The following FARS2 variants were observed in gnomAD, a reference collection of about 807,000 sequenced individuals.
FARS2 encodes phenylalanyl-tRNA synthetase 2, mitochondrial, also known as phenylalanine--tRNA ligase, mitochondrial.
FARS2 carries 40 observed loss-of-function variants against 46.4 expected under a neutral mutation model. That is an observed-to-expected ratio of 0.86 (90% CI 0.67 to 1.12). The LOEUF (loss-of-function observed/expected upper bound fraction) is 1.12, where lower values mean the gene tolerates loss of function less well. Ranked by LOEUF, FARS2 falls within the 50% of genes most tolerant of loss-of-function variation. The pLI is 0.00. For missense variants in FARS2, 513 were observed against 567.9 expected, an observed-to-expected ratio of 0.90 and a Z score of 0.98; for synonymous variants, 234 against 214.9, an observed-to-expected ratio of 1.09 and a Z score of -0.78.
chr6:5,321,277 A>G (rs531549502), intron 1 of FARS2, among the ~76,000 whole-genome samples: 1 of 152,332 alleles, frequency 6.6e-6, no homozygotes, highest in South Asian at 2.1e-4. Flanking sequence ...GACTTCTAAA[A>G]TCCTATGGGT....
At chr6:5,415,597 G>A (rs1273220519) in intron 3 of FARS2, among the ~76,000 whole-genome samples, 9 of 152,166 alleles carry the variant, frequency 5.9e-5, no homozygotes, top group African/African-American at 1.9e-4. Context: ...GATTACAGGC[G>A]TGAGCCACCG....
At chr6:5,361,687 C>G (rs1758314081) in intron 1 of FARS2, among the ~76,000 whole-genome samples, 1 of 152,188 alleles carries the variant, frequency 6.6e-6, no homozygotes, top group East Asian at 1.9e-4. Context: ...ACTGTGTTGA[C>G]TGAACCAAGC....
At chr6:5,651,425 G>A (rs766125350) in intron 6 of FARS2, among the ~76,000 whole-genome samples, 1 of 152,196 alleles carries the variant, frequency 6.6e-6, no homozygotes, top group Non-Finnish European at 1.5e-5. Flanking sequence ...CCTTCATCTT[G>A]GTAGAAGTCT....
At chr6:5,402,748 T>G (rs1192561533) in intron 2 of FARS2, among the ~76,000 whole-genome samples, 1 of 152,192 alleles carries the variant, frequency 6.6e-6, no homozygotes, top group Non-Finnish European at 1.5e-5. Flanking sequence ...TTTCTTTTAT[T>G]GTAACTATGG....
chr6:5,253,712 T>C, the FARS2 span, among the ~76,000 whole-genome samples: 25 of 152,194 alleles, frequency 1.6e-4, no homozygotes, highest in South Asian at 5.0e-3. Context: ...TCATGGAAAC[T>C]GATCCTCTTA....
At chr6:5,304,853 A>T (rs1295077937) in intron 1 of FARS2, among the ~76,000 whole-genome samples, 1 of 152,198 alleles carries the variant, frequency 6.6e-6, no homozygotes, top group Non-Finnish European at 1.5e-5. Context: ...TCGGACTTTT[A>T]AAAAGATTGG....
intron 1 of FARS2, among the ~76,000 whole-genome samples, chr6:5,283,985 G>A (rs1194022934): frequency 6.6e-6 from 1 of 152,204 alleles, no homozygotes; most frequent in Non-Finnish European, 1.5e-5. Context: ...TTAAAATGTT[G>A]ATAGATATTG....
intron 1 of FARS2, among the ~76,000 whole-genome samples, chr6:5,304,396 G>T (rs1768545947): frequency 6.6e-6 from 1 of 152,162 alleles, no homozygotes; most frequent in African/African-American, 2.4e-5. Context: ...ACAGTTAAAG[G>T]TATACATTTG....
intron 4 of FARS2, among the ~76,000 whole-genome samples, chr6:5,497,901 A>G (rs747367000): frequency 1.4e-4 from 21 of 152,224 alleles, no homozygotes; most frequent in Non-Finnish European, 2.6e-4. Context: ...TTACATTATC[A>G]TTCATTGTGA....
At chr6:5,736,195 C>T (rs1231880768) in intron 6 of FARS2, among the ~76,000 whole-genome samples, 1 of 152,226 alleles carries the variant, frequency 6.6e-6, no homozygotes, top group East Asian at 1.9e-4. Flanking sequence ...AGCTCCTCAC[C>T]ACCTGGGCTC....
intron 1 of FARS2, among the ~76,000 whole-genome samples, chr6:5,325,309 A>C (rs753604755): frequency 3.7e-4 from 56 of 152,254 alleles, no homozygotes; most frequent in Non-Finnish European, 6.2e-4. Context: ...TAGCATAGGT[A>C]AGGAAATTGC....
At chr6:5,506,621 TG>T (rs577830416) in intron 4 of FARS2, among the ~76,000 whole-genome samples, 42 of 152,194 alleles carry the variant, frequency 2.8e-4, no homozygotes, top group Non-Finnish European at 4.9e-4. Flanking sequence ...TATCACTCTG[TG>T]GACACCCAGC....
chr6:5,399,393 C>T (rs1189130804), intron 2 of FARS2, among the ~76,000 whole-genome samples: 2 of 151,992 alleles, frequency 1.3e-5, no homozygotes. Context: ...CCAGGCTGGT[C>T]TTGAACTCCT....
intron 1 of FARS2, among the ~76,000 whole-genome samples, chr6:5,342,966 G>A (rs188577356): frequency 2.6e-5 from 4 of 152,082 alleles, no homozygotes; most frequent in Admixed American, 1.3e-4. Flanking sequence ...GGGTCCATTC[G>A]CTAGGTATAC....
At chr6:5,496,431 A>G (rs1489807666) in intron 4 of FARS2, among the ~76,000 whole-genome samples, 2 of 152,228 alleles carry the variant, frequency 1.3e-5, no homozygotes, top group Admixed American at 1.3e-4. Flanking sequence ...ACATCTGTGT[A>G]GAGCATACAA....
At chr6:5,717,203 G>A (rs1164739724) in intron 6 of FARS2, among the ~76,000 whole-genome samples, 3 of 152,170 alleles carry the variant, frequency 2.0e-5, no homozygotes, top group Non-Finnish European at 4.4e-5. Context: ...AAGGAGCAGG[G>A]AAAAAGAAGG....
intron 2 of FARS2, among the ~76,000 whole-genome samples, chr6:5,377,112 T>G (rs1759431710): frequency 6.6e-6 from 1 of 152,192 alleles, no homozygotes. Flanking sequence ...CAAAGAATGG[T>G]GAATTTCAAG....
intron 6 of FARS2, among the ~76,000 whole-genome samples, chr6:5,665,831 G>T (rs3828857): frequency 0.46 from 69,523 of 152,070 alleles, 16,029 homozygotes; most frequent in Non-Finnish European, 0.47. Context: ...TGAGAAGCCA[G>T]TTACTACCAA....
Position 5,441,757 on chromosome 6 carries a change from G to A in FARS2, c.904+10585G>A, listed in dbSNP as rs1763855185. Among the ~76,000 whole-genome samples the A allele has an allele frequency of 2.6e-5, 4 of 152,204 alleles. No homozygotes were observed. The East Asian group carries it at 7.7e-4, about 29-fold the overall frequency. On this transcript the variant is annotated intron_variant, in intron 4 of 6. Transcript: ENST00000274680. The stretch of plus-strand genomic sequence containing the variant: ...AGGTGTAAGAGTCTCACTGAGCTAT[G>A]TTTTACCTAGCGGTAGAATTGCTAA...
Sources: gnomAD v4.1 joint callset for allele counts (sites outside exome capture counted in the v4.1 genomes callset) on GRCh38, gnomAD v4.1.1 for gene constraint, MANE v1.5 for transcripts, NCBI Gene and HGNC (gene_info 2026-07-23, HGNC 2026-07-21) for gene names.